The following SCLT1 variants were observed in gnomAD, a reference collection of about 807,000 sequenced individuals.
SCLT1 encodes the protein sodium channel and clathrin linker 1.
Under a neutral mutation model 112.8 loss-of-function variants are expected in SCLT1, and 78 were observed. The ratio of observed to expected loss-of-function variants is 0.69; its 90% CI spans 0.58 to 0.83. The LOEUF (loss-of-function observed/expected upper bound fraction) is 0.83, where lower values mean the gene tolerates loss of function less well. Ranked by LOEUF, SCLT1 falls within the 40% of genes least tolerant of loss-of-function variation. The probability of loss-of-function intolerance (pLI) is 0.00; values close to 1 mark genes in which losing one functional copy is unlikely to be tolerated. For synonymous variants in SCLT1, 257 were observed against 254.7 expected (o/e 1.01, Z -0.09); for missense variants, 747 against 770.4 (o/e 0.97, Z 0.36).
intron 2 of SCLT1, among the ~76,000 whole-genome samples, chr4:129,063,442 C>T (rs1183722807): frequency 6.6e-6 from 1 of 152,142 alleles, no homozygotes; most frequent in Non-Finnish European, 1.5e-5. Context: ...TGAGAATATC[C>T]CATGTTTTTT....
intron 2 of SCLT1, among the ~76,000 whole-genome samples, chr4:129,049,148 A>C (rs1748497888): frequency 6.6e-6 from 1 of 151,936 alleles, no homozygotes; most frequent in Admixed American, 6.6e-5. Flanking sequence ...CCAAAGGACT[A>C]TAAATCATGC....
At position 128,918,604 on chromosome 4, in the gene SCLT1, T is replaced by C. The variant is rs1019018326; in HGVS notation, c.1829+18051A>G. ...TACCAATATTAACCTTGAATGTAAA[T>C]AGGCTAAATGCTCCAAATTAAACGG... On this transcript the variant is annotated intron_variant, in intron 18 of 20. Transcript: ENST00000281142. Among the ~76,000 whole-genome samples, 7 of 152,096 alleles carry C rather than the reference T, an allele frequency of 4.6e-5. No homozygotes were observed. In the East Asian group the frequency reaches 5.8e-4, roughly 13 times the overall value.
chr4:129,084,557 T>C (rs971012804), intron 1 of SCLT1, among the ~76,000 whole-genome samples: 4 of 151,952 alleles, frequency 2.6e-5, no homozygotes, highest in Admixed American at 2.6e-4. Context: ...AGAGACTGAA[T>C]AGCCAAAGCA....
At chr4:128,920,768 A>G (rs1362613560) in intron 18 of SCLT1, among the ~76,000 whole-genome samples, 1 of 152,152 alleles carries the variant, frequency 6.6e-6, no homozygotes, top group Non-Finnish European at 1.5e-5. Flanking sequence ...AAGGATGCCC[A>G]CTCTCACTAC....
chr4:128,902,445 A>T (rs1560821723), intron 18 of SCLT1, among the ~76,000 whole-genome samples: 1 of 152,238 alleles, frequency 6.6e-6, no homozygotes. Flanking sequence ...AAACCTGTAC[A>T]GCATGTTACT....
Position 129,027,117 on chromosome 4 carries a change from G to A in SCLT1, c.290+11924C>T, listed in dbSNP as rs894761538. ...ATGGATTCACAGCCGAATTCTACCA[G>A]AGGTACAAGGAGGAACTGGTACCAT... On this transcript the variant is annotated intron_variant, in intron 5 of 20. Transcript: ENST00000281142. 3.7e-3 allele frequency among the ~76,000 whole-genome samples: 563 copies of A among 152,206 alleles called. 1 individual carries two copies. Among genetic ancestry groups the A allele is most frequent in the African/African-American group, 0.011 (468 of 41,522 alleles).
At chr4:128,901,783 T>G (rs1244759064) in intron 18 of SCLT1, among the ~76,000 whole-genome samples, 1 of 152,208 alleles carries the variant, frequency 6.6e-6, no homozygotes, top group Non-Finnish European at 1.5e-5. Context: ...TCTATGATAT[T>G]AAATACTTAT....
intron 5 of SCLT1, among the ~76,000 whole-genome samples, chr4:129,025,496 T>C (rs1745966508): frequency 6.6e-6 from 1 of 152,116 alleles, no homozygotes. Flanking sequence ...GAAAAGCAAA[T>C]GCTGAGAGAT....
chr4:128,881,294 T>C (rs1175276024), downstream of SCLT1, among the ~76,000 whole-genome samples: 2 of 152,188 alleles, frequency 1.3e-5, no homozygotes. Context: ...AAATTTATTT[T>C]GAAAAAAATG....
At chr4:129,074,667 T>A (rs1460411584) in intron 2 of SCLT1, among the ~76,000 whole-genome samples, 2 of 152,196 alleles carry the variant, frequency 1.3e-5, no homozygotes, top group South Asian at 2.1e-4. Flanking sequence ...ATTTCTTGAA[T>A]CTTAAATAAC....
intron 3 of SCLT1, among the ~76,000 whole-genome samples, chr4:128,878,373 T>C (rs1411624459): frequency 6.6e-6 from 1 of 152,236 alleles, no homozygotes; most frequent in Non-Finnish European, 1.5e-5. Context: ...TTGATAGTTC[T>C]AACTTCAGGA....
intron 8 of SCLT1, among the ~76,000 whole-genome samples, chr4:128,994,625 C>A (rs1271413552): frequency 6.6e-6 from 1 of 151,994 alleles, no homozygotes; most frequent in Non-Finnish European, 1.5e-5. Context: ...TTTTGCAATC[C>A]CACCAAAAAT....
At chr4:129,026,219 C>T in intron 5 of SCLT1, among the ~76,000 whole-genome samples, 1 of 152,178 alleles carries the variant, frequency 6.6e-6, no homozygotes. Flanking sequence ...ATCTACACAA[C>T]TCTCCACCCC....
intron 2 of SCLT1, among the ~76,000 whole-genome samples, chr4:129,054,037 T>C (rs1283218549): frequency 6.6e-6 from 1 of 152,170 alleles, no homozygotes; most frequent in Non-Finnish European, 1.5e-5. Context: ...GGATATAAAA[T>C]TCTGGGTTGA....
intron 2 of SCLT1, among the ~76,000 whole-genome samples, chr4:129,048,104 T>C (rs1748365931): frequency 6.6e-6 from 1 of 152,180 alleles, no homozygotes; most frequent in South Asian, 2.1e-4. Context: ...ACCAGTTTCA[T>C]AGTGTTGGGT....
intron 5 of SCLT1, among the ~76,000 whole-genome samples, chr4:129,014,902 T>C (rs1744852855): frequency 6.6e-6 from 1 of 151,884 alleles, no homozygotes; most frequent in Non-Finnish European, 1.5e-5. Context: ...GGGATGGGTG[T>C]GGGGGGCCCC....
At chr4:128,975,776 G>C (rs1056759527) in intron 9 of SCLT1, among the ~76,000 whole-genome samples, 42 of 152,202 alleles carry the variant, frequency 2.8e-4, no homozygotes, top group Non-Finnish European at 4.7e-4. Flanking sequence ...CATAATTTTA[G>C]ACAAAGTTCT....
chr4:129,029,583 C>T (rs7691218), intron 5 of SCLT1, among the ~76,000 whole-genome samples: 39,209 of 150,942 alleles, frequency 0.26, 6,238 homozygotes, highest in Non-Finnish European at 0.35. Context: ...TGCTAAATGA[C>T]GAGTTAATGG....
Position 128,970,357 on chromosome 4 carries a change from T to C in SCLT1, c.777+21A>G, listed in dbSNP as rs1740585202. 4.5e-6 allele frequency: 6 copies of C among 1,342,556 alleles called. No homozygotes were observed. In the South Asian group the frequency reaches 5.9e-5, roughly 13 times the overall value. 83.2% of individuals were successfully genotyped at this position (1,342,556 alleles called of 1,614,324 possible). ...GAAAACTAAGCAATAGGTACCCATTTGTCTTAGAAATAGAAAATACCTTCT... is the reference window on the plus strand; with the variant it reads ...GAAAACTAAGCAATAGGTACCCATTCGTCTTAGAAATAGAAAATACCTTCT... On this transcript the variant is annotated intron_variant, in intron 10 of 20. Transcript: ENST00000281142.
Sources: gnomAD v4.1 joint callset for allele counts (sites outside exome capture counted in the v4.1 genomes callset) on GRCh38, gnomAD v4.1.1 for gene constraint, MANE v1.5 for transcripts, NCBI Gene and HGNC (gene_info 2026-07-23, HGNC 2026-07-21) for gene names.